The following CSNK1G3 variants were observed in gnomAD, a reference collection of about 807,000 sequenced individuals.
The protein encoded by CSNK1G3 is casein kinase I isoform gamma-3.
In CSNK1G3, 23 loss-of-function variants were observed where a neutral mutation model predicts 64.3. The observed-to-expected ratio is 0.36, with a 90% confidence interval of 0.26 to 0.51. The LOEUF is 0.51. Ranked by LOEUF, CSNK1G3 falls within the 20% of genes least tolerant of loss-of-function variation. The pLI is 0.96. For missense variants in CSNK1G3, 357 were observed against 510.5 expected, an observed-to-expected ratio of 0.70 and a Z score of 2.90; for synonymous variants, 158 against 162.2, an observed-to-expected ratio of 0.97 and a Z score of 0.20.
intron 4 of CSNK1G3, among the ~76,000 whole-genome samples, chr5:123,567,988 T>C (rs1026352135): frequency 5.3e-5 from 8 of 152,230 alleles, no homozygotes; most frequent in African/African-American, 1.4e-4. Context: ...ACGTTTTCCC[T>C]GCAAAAGGTT....
At chr5:123,602,154 T>C (rs1381491613) in intron 10 of CSNK1G3, among the ~76,000 whole-genome samples, 1 of 152,116 alleles carries the variant, frequency 6.6e-6, no homozygotes, top group East Asian at 1.9e-4. Context: ...AGAATATTCT[T>C]TTCTTTAGAT....
chr5:123,520,021 G>C (rs2149954229), intron 1 of CSNK1G3, among the ~76,000 whole-genome samples: 1 of 152,086 alleles, frequency 6.6e-6, no homozygotes, highest in Middle Eastern at 3.4e-3. Context: ...TTTTTTTCCA[G>C]TAAAATAAGT....
At chr5:123,534,354 A>G (rs1780458437) in intron 1 of CSNK1G3, among the ~76,000 whole-genome samples, 1 of 152,124 alleles carries the variant, frequency 6.6e-6, no homozygotes, top group Admixed American at 6.6e-5. Context: ...TTTATAATAT[A>G]AAGAGGTCTG....
In CSNK1G3 at chr5:123,594,501, A is replaced by G. The variant is rs1793045260; in HGVS notation, c.1086+3087A>G. ...GTATAGTGCTTCTCCCTTTTCAAAG[A>G]ACTTTTCTGTTTTCTCATATTATCC... On this transcript the variant is annotated intron_variant, in intron 10 of 12. Transcript: ENST00000345990. 2.0e-5 allele frequency among the ~76,000 whole-genome samples: 3 copies of G among 152,334 alleles called. 1 individual carries two copies. In the South Asian group the frequency reaches 6.2e-4, roughly 32 times the overall value.
At chr5:123,561,619 A>C (rs1357823379) in intron 4 of CSNK1G3, among the ~76,000 whole-genome samples, 1 of 152,148 alleles carries the variant, frequency 6.6e-6, no homozygotes, top group Non-Finnish European at 1.5e-5. Flanking sequence ...AGGAGGAAGA[A>C]ATGAAATTAC....
At chr5:123,528,239 G>A (rs1418509847) in intron 1 of CSNK1G3, among the ~76,000 whole-genome samples, 1 of 152,042 alleles carries the variant, frequency 6.6e-6, no homozygotes, top group Non-Finnish European at 1.5e-5. Flanking sequence ...CTGTGTAAAT[G>A]ACCTTTGATT....
intron 6 of CSNK1G3, among the ~76,000 whole-genome samples, chr5:123,586,784 A>T (rs1172257803): frequency 6.6e-6 from 1 of 152,194 alleles, no homozygotes; most frequent in African/African-American, 2.4e-5. Flanking sequence ...GTCTGTTTTC[A>T]TGCTGCTGCT....
chr5:123,551,554 C>A (rs1237250965), intron 2 of CSNK1G3, among the ~76,000 whole-genome samples: 3 of 151,866 alleles, frequency 2.0e-5, no homozygotes, highest in Admixed American at 1.3e-4. Context: ...CAATTTTGTA[C>A]AATAAGGACA....
chr5:123,546,548 G>A (rs1782551489), intron 2 of CSNK1G3, among the ~76,000 whole-genome samples: 1 of 152,040 alleles, frequency 6.6e-6, no homozygotes, highest in African/African-American at 2.4e-5. Context: ...GTACAGTAGT[G>A]ATGTAGCTTT....
intron 10 of CSNK1G3, among the ~76,000 whole-genome samples, chr5:123,597,507 A>G (rs893874779): frequency 6.6e-6 from 1 of 152,182 alleles, no homozygotes; most frequent in African/African-American, 2.4e-5. Flanking sequence ...CTTGGAACTG[A>G]TCATTGCTGT....
chr5:123,527,468 G>A (rs190743810), intron 1 of CSNK1G3, among the ~76,000 whole-genome samples: 60 of 152,164 alleles, frequency 3.9e-4, no homozygotes, highest in African/African-American at 1.4e-3. Context: ...TTCTATTTCA[G>A]CTTGCACATT....
rs115066456 is a variant in CSNK1G3 at position 123,584,371 on chromosome 5, C to T, written c.674-3697C>T. Among the ~76,000 whole-genome samples, 1,434 of 152,136 alleles carry T rather than the reference C, an allele frequency of 9.4e-3. 28 individuals carry two copies. Among genetic ancestry groups the T allele is most frequent in the African/African-American group, 0.032 (1,348 of 41,508 alleles). ...GAGATTTTTTTAAAAATCATTAATA[C>T]GTGTTGGATTTTGTCAAGTACTTTT... On this transcript the variant is annotated intron_variant, in intron 6 of 12. Coordinates refer to ENST00000345990, the Ensembl canonical transcript of CSNK1G3.
intron 6 of CSNK1G3, among the ~76,000 whole-genome samples, chr5:123,580,390 A>G (rs542146113): frequency 4.4e-4 from 67 of 152,150 alleles, no homozygotes; most frequent in Non-Finnish European, 8.4e-4. Context: ...ATATAGAAGA[A>G]TAGTGTAAAA....
chr5:123,561,195 ACT>A (rs1021869188), intron 4 of CSNK1G3, among the ~76,000 whole-genome samples: 1 of 151,858 alleles, frequency 6.6e-6, no homozygotes, highest in African/African-American at 2.4e-5. Flanking sequence ...TACCATTATC[ACT>A]CTCTGGGATA....
At chr5:123,604,821 A>G (rs915436086) in exon 11 of CSNK1G3, 5 of 1,604,954 alleles carry the variant, frequency 3.1e-6, no homozygotes, top group South Asian at 1.1e-5. Context: ...GAAGTGATGG[A>G]TGAAACCAAG....
chr5:123,562,470 A>T (rs1307930364), intron 4 of CSNK1G3, among the ~76,000 whole-genome samples: 2 of 152,036 alleles, frequency 1.3e-5, no homozygotes, highest in African/African-American at 2.4e-5. Flanking sequence ...TTCTTAACTA[A>T]CAATAATAGA....
chr5:123,607,842 T>G (rs1347083912), intron 12 of CSNK1G3, among the ~76,000 whole-genome samples: 1 of 152,196 alleles, frequency 6.6e-6, no homozygotes, highest in Non-Finnish European at 1.5e-5. Context: ...CCTACCTCTT[T>G]GCTGATTAAA....
At chr5:123,611,282 A>G (rs1796289177) in intron 12 of CSNK1G3, among the ~76,000 whole-genome samples, 1 of 152,224 alleles carries the variant, frequency 6.6e-6, no homozygotes, top group Non-Finnish European at 1.5e-5. Flanking sequence ...TGTATCACAT[A>G]AGGCAATGCT....
chr5:123,588,576 T>G, intron 8 of CSNK1G3, 65 bp downstream of exon 8: 2 of 1,003,828 alleles, frequency 2.0e-6, no homozygotes, highest in South Asian at 1.4e-5. Context: ...TTTTATTGCT[T>G]AAGTTTATAC....
Sources: allele counts gnomAD v4.1 joint callset (sites outside exome capture counted in the v4.1 genomes callset), GRCh38; gene constraint gnomAD v4.1.1; transcripts MANE v1.5; gene names NCBI Gene and HGNC (gene_info 2026-07-23, HGNC 2026-07-21).